BMPER: variants seen among roughly 807,000 people sequenced by gnomAD.
BMPER encodes the protein BMP binding endothelial regulator.
BMPER carries 45 observed loss-of-function variants against 87.3 expected under a neutral mutation model. The ratio of observed to expected loss-of-function variants is 0.52; its 90% CI spans 0.41 to 0.66. The LOEUF is 0.66. Ranked by LOEUF, BMPER falls within the 30% of genes least tolerant of loss-of-function variation. BMPER has a pLI of 0.00. For missense variants in BMPER, 784 were observed against 867.5 expected (o/e 0.90, Z 1.21); for synonymous variants, 326 against 316.2 (o/e 1.03, Z -0.33).
chr7:34,141,511 G>A (rs114695292), intron 13 of BMPER, among the ~76,000 whole-genome samples: 6,160 of 149,454 alleles, frequency 0.041, 273 homozygotes, highest in African/African-American at 0.11. Flanking sequence ...TTGGGAGGCT[G>A]AGGCAAGAAT....
At chr7:34,014,513 C>T (rs1292737683) in intron 6 of BMPER, among the ~76,000 whole-genome samples, 1 of 151,924 alleles carries the variant, frequency 6.6e-6, no homozygotes, top group East Asian at 1.9e-4. Context: ...GTGATAGATT[C>T]CAGCCTATCA....
At chr7:34,076,865 A>G (rs1432480106) in intron 11 of BMPER, among the ~76,000 whole-genome samples, 1 of 152,112 alleles carries the variant, frequency 6.6e-6, no homozygotes, top group Non-Finnish European at 1.5e-5. Context: ...GTATAATTTC[A>G]AAACCTTAGG....
In BMPER at chr7:33,987,356, T is replaced by C. The variant is rs868120964; in HGVS notation, c.576+12572T>C. On this transcript the variant is annotated intron_variant, in intron 6 of 14. Coordinates refer to ENST00000649409, the MANE Select transcript of BMPER (RefSeq NM_001365308.1). ...TTTGCATCTCAGGGAGCCACAATCC[T>C]CTCTGAAGATTGGAGGATGCTGAAC... Among the ~76,000 whole-genome samples, 4 of 152,088 alleles carry C rather than the reference T, an allele frequency of 2.6e-5. No homozygotes were observed. The South Asian group carries it at 8.3e-4, about 32-fold the overall frequency.
chr7:34,081,267 A>G (rs148098931), intron 12 of BMPER, among the ~76,000 whole-genome samples: 150 of 152,344 alleles, frequency 9.8e-4, no homozygotes, highest in African/African-American at 3.3e-3. Flanking sequence ...TTGATTATGT[A>G]TTTGAAATAT....
At chr7:34,061,870 A>G in intron 10 of BMPER, 132 bp from the exon 11 acceptor site, 1 of 760,048 alleles carries the variant, frequency 1.3e-6, no homozygotes, top group South Asian at 1.8e-5. Context: ...CTGGGCATTG[A>G]GTTCAAATAC....
At chr7:34,088,166 G>T (rs1789274433) in intron 13 of BMPER, among the ~76,000 whole-genome samples, 1 of 152,220 alleles carries the variant, frequency 6.6e-6, no homozygotes, top group Non-Finnish European at 1.5e-5. Flanking sequence ...TAGAGGCCAG[G>T]ATGTGGTGGG....
intron 14 of BMPER, among the ~76,000 whole-genome samples, chr7:34,143,976 G>A (rs1203762817): frequency 2.6e-5 from 4 of 152,218 alleles, no homozygotes; most frequent in Non-Finnish European, 5.9e-5. Context: ...CATTGACACA[G>A]TGGCAGCCTA....
intron 2 of BMPER, among the ~76,000 whole-genome samples, chr7:33,932,239 G>A (rs1449734937): frequency 6.6e-6 from 1 of 152,178 alleles, no homozygotes; most frequent in Non-Finnish European, 1.5e-5. Context: ...AGCAAAATCT[G>A]TAAGCTCCTC....
At chr7:33,908,513 T>C (rs942688844) in intron 2 of BMPER, among the ~76,000 whole-genome samples, 6 of 152,096 alleles carry the variant, frequency 3.9e-5, no homozygotes, top group African/African-American at 7.2e-5. Flanking sequence ...GGAGACTTAG[T>C]GATAAGAAGA....
chr7:33,910,878 C>CAAGA (rs2128601506), intron 2 of BMPER, among the ~76,000 whole-genome samples: 1 of 152,290 alleles, frequency 6.6e-6, no homozygotes, highest in South Asian at 2.1e-4. Context: ...TCATGTTCTT[C>CAAGA]ATTGTTCAAA....
rs1394858196 is a variant in BMPER at position 34,089,253 on chromosome 7, C to T, written c.1745+3161C>T. 1.3e-5 allele frequency among the ~76,000 whole-genome samples: 2 copies of T among 152,042 alleles called. 1 individual carries two copies. The highest frequency in any genetic ancestry group is 3.9e-4 in the East Asian group (2 of 5,186). ...CAAAGAATGAAGTAGCATAACACACCCAAATAACTTTCTGAGCACCACTGT... is the reference window on the plus strand; with the variant it reads ...CAAAGAATGAAGTAGCATAACACACTCAAATAACTTTCTGAGCACCACTGT... On this transcript the variant is annotated intron_variant, in intron 13 of 14. Transcript: ENST00000649409.
intron 13 of BMPER, among the ~76,000 whole-genome samples, chr7:34,109,145 G>T (rs1410961337): frequency 6.6e-6 from 1 of 152,166 alleles, no homozygotes; most frequent in Non-Finnish European, 1.5e-5. Context: ...GAAGGCTTGA[G>T]ACCCAGGAAA....
At chr7:33,927,618 A>G (rs1438196001) in intron 2 of BMPER, among the ~76,000 whole-genome samples, 1 of 152,102 alleles carries the variant, frequency 6.6e-6, no homozygotes, top group Non-Finnish European at 1.5e-5. Context: ...ACCTTCTTTA[A>G]TGTCAGGTCT....
chr7:33,957,446 C>A (rs947295054), intron 3 of BMPER, among the ~76,000 whole-genome samples: 3 of 151,106 alleles, frequency 2.0e-5, no homozygotes, highest in African/African-American at 7.3e-5. Flanking sequence ...GGATTAGAGA[C>A]AGAAGCAAGA....
chr7:33,932,481 C>T (rs571057200), intron 2 of BMPER, among the ~76,000 whole-genome samples: 1 of 152,322 alleles, frequency 6.6e-6, no homozygotes, highest in African/African-American at 2.4e-5. Flanking sequence ...TTGCTGTCAT[C>T]AGAGACAGGG....
chr7:33,978,228 T>A (rs182141972), intron 6 of BMPER, among the ~76,000 whole-genome samples: 1 of 152,250 alleles, frequency 6.6e-6, no homozygotes, highest in East Asian at 1.9e-4. Flanking sequence ...CCTTCGGAGG[T>A]TGCAGCAACA....
At chr7:34,148,720 G>A (rs895939779) in intron 14 of BMPER, among the ~76,000 whole-genome samples, 2 of 152,124 alleles carry the variant, frequency 1.3e-5, no homozygotes, top group Non-Finnish European at 2.9e-5. Context: ...AGAAGAAGTT[G>A]AAAGGTAGAC....
chr7:34,116,938 G>C (rs946412465), intron 13 of BMPER, among the ~76,000 whole-genome samples: 4 of 151,818 alleles, frequency 2.6e-5, no homozygotes, highest in Non-Finnish European at 4.4e-5. Context: ...GCAGTGATCT[G>C]AGATCGCTCC....
chr7:34,099,297 T>C (rs1484135218), intron 13 of BMPER, among the ~76,000 whole-genome samples: 1 of 152,180 alleles, frequency 6.6e-6, no homozygotes, highest in Non-Finnish European at 1.5e-5. Flanking sequence ...ACCACCATAA[T>C]CTGGTAATAG....
Sources: allele counts gnomAD v4.1 joint callset (sites outside exome capture counted in the v4.1 genomes callset), GRCh38; gene constraint gnomAD v4.1.1; transcripts MANE v1.5; gene names NCBI Gene and HGNC (gene_info 2026-07-23, HGNC 2026-07-21).